The following NBAS variants were observed in gnomAD, a reference collection of about 807,000 sequenced individuals.
The protein encoded by NBAS is NAG/BC035112 fusion.
NBAS carries 219 observed loss-of-function variants against 302.5 expected under a neutral mutation model. That is an observed-to-expected ratio of 0.72 (90% CI 0.65 to 0.81). The LOEUF is 0.81. Among genes scored for constraint, NBAS ranks in the 30% least tolerant of loss-of-function variants. The pLI is 0.00. For synonymous variants in NBAS, 1,118 were observed against 1,021.6 expected, an observed-to-expected ratio of 1.09 and a Z score of -1.80; for missense variants, 2,932 against 2,841.6, an observed-to-expected ratio of 1.03 and a Z score of -0.72.
chr2:15,168,869 T>C (rs1427322529), intron 51 of NBAS, among the ~76,000 whole-genome samples: 1 of 152,222 alleles, frequency 6.6e-6, no homozygotes, highest in Non-Finnish European at 1.5e-5. Context: ...CCTCAGGTGA[T>C]CCACTCACTT....
At chr2:15,217,338 C>T (rs1430074563) in intron 48 of NBAS, among the ~76,000 whole-genome samples, 1 of 152,176 alleles carries the variant, frequency 6.6e-6, no homozygotes, top group Non-Finnish European at 1.5e-5. Context: ...TTCTCTAACT[C>T]TGAAGAGCAA....
At chr2:14,972,026 A>G in the NBAS span, among the ~76,000 whole-genome samples, 1 of 152,130 alleles carries the variant, frequency 6.6e-6, no homozygotes, top group African/African-American at 2.4e-5. Context: ...GTTTCTCACC[A>G]TGCATAACAC....
At chr2:14,903,657 C>T in the NBAS span, among the ~76,000 whole-genome samples, 1 of 152,230 alleles carries the variant, frequency 6.6e-6, no homozygotes, top group Non-Finnish European at 1.5e-5. Context: ...AAACGAGACA[C>T]TTTGAGGAAA....
chr2:14,781,156 G>A, the NBAS span, among the ~76,000 whole-genome samples: 2 of 152,326 alleles, frequency 1.3e-5, no homozygotes, highest in African/African-American at 4.8e-5. Context: ...GTTGCTAACA[G>A]TTAGAAGACG....
chr2:14,978,150 C>T, the NBAS span, among the ~76,000 whole-genome samples: 1 of 152,158 alleles, frequency 6.6e-6, no homozygotes, highest in Non-Finnish European at 1.5e-5. Flanking sequence ...AAAAATTCCA[C>T]GTATTCCTTT....
chr2:15,487,080 A>T (rs1181183453), intron 12 of NBAS, among the ~76,000 whole-genome samples: 4 of 152,222 alleles, frequency 2.6e-5, no homozygotes, highest in Non-Finnish European at 5.9e-5. Context: ...CTAGGTGAAT[A>T]AAAGTAATTT....
At chr2:15,396,804 G>A (rs1027716819) in intron 26 of NBAS, among the ~76,000 whole-genome samples, 3 of 152,152 alleles carry the variant, frequency 2.0e-5, no homozygotes, top group African/African-American at 7.2e-5. Flanking sequence ...CTTTACTACT[G>A]TTCTTTTAAA....
At chr2:15,254,910 G>T (rs1167006956) in intron 44 of NBAS, among the ~76,000 whole-genome samples, 3 of 152,122 alleles carry the variant, frequency 2.0e-5, no homozygotes, top group Admixed American at 6.6e-5. Context: ...TGGGGTGTGT[G>T]TGTGTGTGTG....
At chr2:15,056,343 T>C in the NBAS span, among the ~76,000 whole-genome samples, 2 of 152,246 alleles carry the variant, frequency 1.3e-5, no homozygotes, top group Non-Finnish European at 2.9e-5. Context: ...AAATATTCTC[T>C]AAAGTATTTG....
the NBAS span, among the ~76,000 whole-genome samples, chr2:15,070,923 C>A: frequency 6.6e-6 from 1 of 152,142 alleles, no homozygotes; most frequent in African/African-American, 2.4e-5. Flanking sequence ...TTCTTAAAAA[C>A]CACTGATTTG....
At chr2:14,880,978 G>C in the NBAS span, among the ~76,000 whole-genome samples, 1 of 151,620 alleles carries the variant, frequency 6.6e-6, no homozygotes, top group Non-Finnish European at 1.5e-5. Flanking sequence ...AATCAGATTG[G>C]CATCAGACTT....
At chr2:14,958,292 G>A in the NBAS span, among the ~76,000 whole-genome samples, 1 of 152,248 alleles carries the variant, frequency 6.6e-6, no homozygotes, top group Non-Finnish European at 1.5e-5. Context: ...CGTCCTTGGA[G>A]AGTCACTTTC....
intron 42 of NBAS, among the ~76,000 whole-genome samples, chr2:15,283,144 T>C (rs889380312): frequency 1.3e-5 from 2 of 152,298 alleles, no homozygotes; most frequent in Admixed American, 1.3e-4. Context: ...AATACAAAGA[T>C]ACTAAGTAAT....
the NBAS span, among the ~76,000 whole-genome samples, chr2:15,160,374 G>A: frequency 2.6e-5 from 4 of 152,194 alleles, no homozygotes; most frequent in African/African-American, 9.6e-5. Flanking sequence ...AAAGATGCTT[G>A]AGCAAGATCC....
the NBAS span, among the ~76,000 whole-genome samples, chr2:15,101,423 G>C: frequency 0.029 from 4,363 of 151,768 alleles, 154 homozygotes; most frequent in East Asian, 0.092. Flanking sequence ...ACATATATAA[G>C]TTATGTATAG....
chr2:15,135,333 T>C, the NBAS span, among the ~76,000 whole-genome samples: 1 of 152,134 alleles, frequency 6.6e-6, no homozygotes, highest in Admixed American at 6.5e-5. Context: ...AAATGAATCA[T>C]TGCTACCACT....
At chr2:15,047,491 A>G in the NBAS span, among the ~76,000 whole-genome samples, 2 of 142,710 alleles carry the variant, frequency 1.4e-5, no homozygotes, top group Non-Finnish European at 3.0e-5. Context: ...TTATGCCAGT[A>G]AGGGCTAGGC....
At chr2:15,505,487 G>T (rs1292112831) in intron 10 of NBAS, among the ~76,000 whole-genome samples, 2 of 152,104 alleles carry the variant, frequency 1.3e-5, no homozygotes, top group Non-Finnish European at 2.9e-5. Flanking sequence ...AAGGGGAAAG[G>T]AAGCAAAGGG....
intron 51 of NBAS, among the ~76,000 whole-genome samples, chr2:15,171,788 G>A (rs548211256): frequency 5.9e-5 from 9 of 152,188 alleles, no homozygotes; most frequent in South Asian, 2.1e-4. Flanking sequence ...CGATATAACC[G>A]GTGTCCTTAC....
Sources: gnomAD v4.1 joint callset for allele counts (sites outside exome capture counted in the v4.1 genomes callset) on GRCh38, gnomAD v4.1.1 for gene constraint, MANE v1.5 for transcripts, NCBI Gene and HGNC (gene_info 2026-07-23, HGNC 2026-07-21) for gene names.